The following LINGO2 variants were observed in gnomAD, a reference collection of about 807,000 sequenced individuals.
The protein encoded by LINGO2 is leucine rich repeat and Ig domain containing 2.
In LINGO2, 14 loss-of-function variants were observed where a neutral mutation model predicts 30.6. The ratio of observed to expected loss-of-function variants is 0.46; its 90% CI spans 0.30 to 0.72. The LOEUF (loss-of-function observed/expected upper bound fraction) is 0.72. Ranked by LOEUF, LINGO2 falls within the 30% of genes least tolerant of loss-of-function variation. The pLI is 0.07. For synonymous variants in LINGO2, 317 were observed against 288.5 expected (o/e 1.10, Z -1.00); for missense variants, 729 against 751.7 (o/e 0.97, Z 0.35).
intron 4 of LINGO2, among the ~76,000 whole-genome samples, chr9:28,268,399 T>C (rs1822828461): frequency 6.6e-6 from 1 of 152,060 alleles, no homozygotes; most frequent in Non-Finnish European, 1.5e-5. Context: ...CTGGTGAACC[T>C]AGAACAGAGT....
At chr9:28,194,989 T>A (rs1267688669) in intron 4 of LINGO2, among the ~76,000 whole-genome samples, 1 of 151,994 alleles carries the variant, frequency 6.6e-6, no homozygotes, top group African/African-American at 2.4e-5. Flanking sequence ...CACCTCTTTC[T>A]AGCCTTAACA....
chr9:28,358,120 A>T (rs1047388507), intron 3 of LINGO2, among the ~76,000 whole-genome samples: 3 of 152,162 alleles, frequency 2.0e-5, no homozygotes, highest in Non-Finnish European at 4.4e-5. Context: ...AGCTTGTAAA[A>T]CAGGTTAGTA....
At chr9:28,009,517 A>T (rs1237484688) in intron 5 of LINGO2, among the ~76,000 whole-genome samples, 1 of 152,134 alleles carries the variant, frequency 6.6e-6, no homozygotes, top group East Asian at 1.9e-4. Flanking sequence ...AACTTTTATG[A>T]CTCAATAAAA....
At chr9:28,360,517 G>A (rs1464229077) in intron 3 of LINGO2, among the ~76,000 whole-genome samples, 4 of 152,084 alleles carry the variant, frequency 2.6e-5, no homozygotes, top group Non-Finnish European at 5.9e-5. Flanking sequence ...CAAAGAAGCT[G>A]CTCTAAAACT....
chr9:28,150,931 T>C (rs1417093143), intron 4 of LINGO2, among the ~76,000 whole-genome samples: 3 of 152,188 alleles, frequency 2.0e-5, no homozygotes, highest in Non-Finnish European at 4.4e-5. Context: ...CCTGAAATAT[T>C]GCCAAACTTA....
chr9:29,131,239 C>T, the LINGO2 span, among the ~76,000 whole-genome samples: 1 of 152,112 alleles, frequency 6.6e-6, no homozygotes, highest in African/African-American at 2.4e-5. Context: ...TAACAGGTAA[C>T]TATTTTTGGT....
intron 4 of LINGO2, among the ~76,000 whole-genome samples, chr9:28,096,329 C>T (rs1011013135): frequency 1.3e-5 from 2 of 152,120 alleles, no homozygotes; most frequent in African/African-American, 4.8e-5. Flanking sequence ...GACACATTTA[C>T]ACTACATATG....
intron 2 of LINGO2, among the ~76,000 whole-genome samples, chr9:28,421,156 T>C (rs34364969): frequency 0.3 from 45,643 of 151,664 alleles, 7,855 homozygotes; most frequent in Non-Finnish European, 0.38. Flanking sequence ...ACAGTTGCAT[T>C]TGTATACACT....
intron 2 of LINGO2, among the ~76,000 whole-genome samples, chr9:28,431,253 G>A (rs1260224123): frequency 6.6e-6 from 1 of 152,130 alleles, no homozygotes; most frequent in Non-Finnish European, 1.5e-5. Flanking sequence ...TAATCTAAGA[G>A]ACTGTCTACC....
chr9:28,861,151 A>G, the LINGO2 span, among the ~76,000 whole-genome samples: 1 of 75,262 alleles, frequency 1.3e-5, no homozygotes, highest in South Asian at 3.6e-4. Context: ...TATATAATTT[A>G]TATTATATAA....
At chr9:28,055,770 A>T (rs1305506002) in intron 4 of LINGO2, among the ~76,000 whole-genome samples, 1 of 152,172 alleles carries the variant, frequency 6.6e-6, no homozygotes, top group Non-Finnish European at 1.5e-5. Flanking sequence ...AAGTAGTTCA[A>T]ATTGCTATCT....
chr9:29,157,707 G>T, the LINGO2 span, among the ~76,000 whole-genome samples: 2 of 151,960 alleles, frequency 1.3e-5, no homozygotes, highest in Non-Finnish European at 1.5e-5. Context: ...AAGTCAATAA[G>T]CAGTTTTTTG....
chr9:28,188,202 G>A (rs1819611376), intron 4 of LINGO2, among the ~76,000 whole-genome samples: 1 of 152,116 alleles, frequency 6.6e-6, no homozygotes, highest in Non-Finnish European at 1.5e-5. Flanking sequence ...CTAACTCATA[G>A]CTAATTTCTA....
chr9:28,509,568 C>G (rs1476554578), intron 1 of LINGO2, among the ~76,000 whole-genome samples: 1 of 152,184 alleles, frequency 6.6e-6, no homozygotes, highest in Non-Finnish European at 1.5e-5. Context: ...TGTTAAAGCT[C>G]TAACTCCCAA....
intron 2 of LINGO2, among the ~76,000 whole-genome samples, chr9:28,391,526 T>A (rs1821829428): frequency 6.6e-6 from 1 of 152,144 alleles, no homozygotes; most frequent in Admixed American, 6.5e-5. Flanking sequence ...AGGCCTTCCC[T>A]GTCTAACGGC....
At chr9:28,663,240 G>A (rs965882465) in intron 1 of LINGO2, among the ~76,000 whole-genome samples, 8 of 152,082 alleles carry the variant, frequency 5.3e-5, no homozygotes, top group Middle Eastern at 6.8e-3. Flanking sequence ...GTGCCATCTC[G>A]GCTCGCTGCA....
At chr9:28,781,444 A>C in the LINGO2 span, among the ~76,000 whole-genome samples, 1 of 152,170 alleles carries the variant, frequency 6.6e-6, no homozygotes, top group Non-Finnish European at 1.5e-5. Flanking sequence ...GCACGCTGAA[A>C]ATTTTAAAGC....
chr9:28,735,642 A>G, the LINGO2 span, among the ~76,000 whole-genome samples: 1 of 152,110 alleles, frequency 6.6e-6, no homozygotes, highest in Non-Finnish European at 1.5e-5. Flanking sequence ...TTATATGTAA[A>G]TATCTTGAAA....
chr9:27,968,960 T>C (rs1161117131), intron 5 of LINGO2, among the ~76,000 whole-genome samples: 1 of 151,760 alleles, frequency 6.6e-6, no homozygotes, highest in Admixed American at 6.6e-5. Flanking sequence ...AATATGTATA[T>C]ATTCTAGTTT....
Sources: gnomAD v4.1 joint callset for allele counts (sites outside exome capture counted in the v4.1 genomes callset) on GRCh38, gnomAD v4.1.1 for gene constraint, MANE v1.5 for transcripts, NCBI Gene and HGNC (gene_info 2026-07-23, HGNC 2026-07-21) for gene names.